GLI3: variants seen among roughly 807,000 people sequenced by gnomAD.
The protein encoded by GLI3 is transcription activator GLI3.
Under a neutral mutation model 100.8 loss-of-function variants are expected in GLI3, and 20 were observed. That is an observed-to-expected ratio of 0.20 (90% CI 0.14 to 0.29). The LOEUF is 0.29. Ranked by LOEUF, GLI3 falls within the 10% of genes least tolerant of loss-of-function variation. The pLI is 1.00. For missense variants in GLI3, 2,040 were observed against 2,128.5 expected (o/e 0.96, Z 0.82); for synonymous variants, 938 against 860.5 (o/e 1.09, Z -1.58).
intron 3 of GLI3, among the ~76,000 whole-genome samples, chr7:42,112,396 A>T (rs574801221): frequency 2.6e-5 from 4 of 152,306 alleles, no homozygotes; most frequent in South Asian, 2.1e-4. Flanking sequence ...AATGAATAAG[A>T]TCTAGTATTT....
chr7:42,155,773 C>T (rs962807284), intron 2 of GLI3, among the ~76,000 whole-genome samples: 13 of 152,056 alleles, frequency 8.5e-5, no homozygotes, highest in African/African-American at 3.1e-4. Flanking sequence ...TGGCTGTTCC[C>T]CTCACTGCAG....
intron 2 of GLI3, among the ~76,000 whole-genome samples, chr7:42,219,406 A>T (rs753995859): frequency 2.2e-4 from 33 of 152,192 alleles, no homozygotes; most frequent in Non-Finnish European, 4.1e-4. Flanking sequence ...AATGTTACAA[A>T]AATCAAATTT....
chr7:41,981,921 G>A (rs1016037494), intron 10 of GLI3, among the ~76,000 whole-genome samples: 4 of 152,096 alleles, frequency 2.6e-5, no homozygotes, highest in Non-Finnish European at 5.9e-5. Flanking sequence ...GAGACAATGT[G>A]TGGAAATTTG....
intron 10 of GLI3, among the ~76,000 whole-genome samples, chr7:41,993,527 C>T (rs1788044129): frequency 1.3e-5 from 2 of 152,170 alleles, no homozygotes; most frequent in African/African-American, 4.8e-5. Context: ...AATTTACTGA[C>T]TGACATTGTT....
At chr7:42,170,087 T>A (rs1228277027) in intron 2 of GLI3, among the ~76,000 whole-genome samples, 1 of 151,158 alleles carries the variant, frequency 6.6e-6, no homozygotes. Flanking sequence ...CTGCCTCTAC[T>A]AAAAATACAA....
In GLI3 at chr7:41,972,355, G is replaced by C; in HGVS notation, c.2085C>G (p.Val695=). The change falls in exon 13 of 15, where the codon GTC becomes GTG. Residue 695 remains valine, a synonymous_variant. Transcript: ENST00000395925. This position sits in a 1 kb window ranked among gnomAD's most constrained non-coding sequence, Gnocchi z 4.4. Reference sequence around the variant, plus strand: ...GACATACCATTGGCTTCTCTGCCTTGACGGTTTTCACCTGGAGGCATTCTT... The same window carrying C: ...GACATACCATTGGCTTCTCTGCCTTCACGGTTTTCACCTGGAGGCATTCTT... ...KREECLQVKT[V]KAEKPMTSQP... 6.2e-7 allele frequency: 1 copy of C among 1,614,048 alleles called. No individual in the cohort carries two copies.
chr7:42,053,790 G>A (rs1784398894), intron 4 of GLI3, among the ~76,000 whole-genome samples: 1 of 152,178 alleles, frequency 6.6e-6, no homozygotes, highest in South Asian at 2.1e-4. Flanking sequence ...TTCAGAACTG[G>A]TCCAAGAACA....
At position 42,056,034 on chromosome 7, in the gene GLI3, C is replaced by T. The variant is rs758016872; in HGVS notation, c.474-7338G>A. Among the ~76,000 whole-genome samples, 7 of 152,092 alleles carry T rather than the reference C, an allele frequency of 4.6e-5. No individual in the cohort carries two copies. In the South Asian group the frequency reaches 8.3e-4, roughly 18 times the overall value. Reference sequence around the variant, plus strand: ...TTTTATAGAGGGGAGTTTCCCTGCACGGGCTCTCTCCTCTTGTCTGCCACC... The same window carrying T: ...TTTTATAGAGGGGAGTTTCCCTGCATGGGCTCTCTCCTCTTGTCTGCCACC... On this transcript the variant is annotated intron_variant, in intron 4 of 14. Coordinates refer to ENST00000395925, the MANE Select transcript of GLI3 (RefSeq NM_000168.6).
At chr7:42,044,035 A>C (rs1340157861) in intron 6 of GLI3, among the ~76,000 whole-genome samples, 1 of 152,190 alleles carries the variant, frequency 6.6e-6, no homozygotes, top group Non-Finnish European at 1.5e-5. Flanking sequence ...AAACCAACAG[A>C]ATCTTGTGTT....
At chr7:42,233,186 GA>G (rs1788727832) in intron 1 of GLI3, among the ~76,000 whole-genome samples, 1 of 152,294 alleles carries the variant, frequency 6.6e-6, no homozygotes, top group Non-Finnish European at 1.5e-5. Context: ...TTAAAAAAGA[GA>G]ATGAAATATC....
intron 2 of GLI3, among the ~76,000 whole-genome samples, chr7:42,164,646 C>A (rs921565742): frequency 6.6e-6 from 1 of 151,944 alleles, no homozygotes; most frequent in African/African-American, 2.4e-5. Context: ...CTGGCTAACA[C>A]GGTGAAACCC....
intron 3 of GLI3, among the ~76,000 whole-genome samples, chr7:42,101,694 T>TTTTAC (rs1785466573): frequency 6.6e-6 from 1 of 151,412 alleles, no homozygotes; most frequent in African/African-American, 2.4e-5. Flanking sequence ...ATTTATTTTA[T>TTTTAC]TATTATTATA....
chr7:41,971,971 G>T (rs1401426272), intron 13 of GLI3, among the ~76,000 whole-genome samples: 1 of 152,162 alleles, frequency 6.6e-6, no homozygotes, highest in African/African-American at 2.4e-5. Flanking sequence ...AAGAATATGG[G>T]CCATGGCCTA....
chr7:41,977,961 G>A (rs547997718), intron 11 of GLI3: 5 of 556,644 alleles, frequency 9.0e-6, no homozygotes, highest in African/African-American at 3.8e-5. Flanking sequence ...TTAATAGACC[G>A]CTCAATGTGG....
intron 1 of GLI3, among the ~76,000 whole-genome samples, chr7:42,251,092 A>G (rs1391440833): frequency 6.6e-6 from 1 of 152,168 alleles, no homozygotes; most frequent in African/African-American, 2.4e-5. Context: ...AACACACAAG[A>G]AAACAAAAGT....
intron 1 of GLI3, among the ~76,000 whole-genome samples, chr7:42,233,093 C>CTG (rs2128706247): frequency 6.6e-6 from 1 of 152,338 alleles, no homozygotes; most frequent in South Asian, 2.1e-4. Context: ...ACACATTTAA[C>CTG]ATTCAATTTC....
intron 10 of GLI3, among the ~76,000 whole-genome samples, chr7:41,989,987 CAAAAAAAAAAAA>C (rs60763223): frequency 1.6e-5 from 1 of 62,852 alleles, no homozygotes; most frequent in Non-Finnish European, 3.6e-5. Flanking sequence ...ACTCTGTCTC[CAAAAAAAAAAAA>C]AAAAAAAAAG....
intron 1 of GLI3, among the ~76,000 whole-genome samples, chr7:42,230,520 T>G (rs1055955201): frequency 6.6e-6 from 1 of 152,256 alleles, no homozygotes; most frequent in African/African-American, 2.4e-5. Flanking sequence ...CTTCAACCAC[T>G]GAAAAGCTTA....
At chr7:42,198,929 C>CTTTTTT in intron 2 of GLI3, among the ~76,000 whole-genome samples, 1 of 146,098 alleles carries the variant, frequency 6.8e-6, no homozygotes, top group Non-Finnish European at 1.5e-5. Flanking sequence ...GAAAAAGTTT[C>CTTTTTT]TTTTTTTTTT....
Sources: gnomAD v4.1 joint callset for allele counts (sites outside exome capture counted in the v4.1 genomes callset) on GRCh38, gnomAD v4.1.1 for gene constraint, Gnocchi (gnomAD v3.1) non-coding constraint, MANE v1.5 for transcripts, NCBI Gene and HGNC (gene_info 2026-07-23, HGNC 2026-07-21) for gene names.